The following NKAIN2 variants were observed in gnomAD, a reference collection of about 807,000 sequenced individuals.
The protein encoded by NKAIN2 is sodium/potassium transporting ATPase interacting 2, also known as sodium/potassium-transporting ATPase subunit beta-1-interacting protein 2.
A neutral mutation model predicts 32.6 loss-of-function variants in NKAIN2; 14 were observed. The ratio of observed to expected loss-of-function variants is 0.43; its 90% CI spans 0.28 to 0.67. NKAIN2 has a LOEUF of 0.67. Ranked by LOEUF, NKAIN2 falls within the 30% of genes least tolerant of loss-of-function variation. The pLI is 0.17. For missense variants in NKAIN2, 198 were observed against 258.3 expected (o/e 0.77, Z 1.60); for synonymous variants, 80 against 87.2 (o/e 0.92, Z 0.46).
chr6:124,737,458 C>T (rs1225131275), intron 4 of NKAIN2, among the ~76,000 whole-genome samples: 1 of 151,856 alleles, frequency 6.6e-6, no homozygotes, highest in African/African-American at 2.4e-5. Context: ...TCAATTAAAC[C>T]TCTTTCCTTT....
At chr6:124,410,609 C>A (rs1479902425) in intron 3 of NKAIN2, among the ~76,000 whole-genome samples, 1 of 152,202 alleles carries the variant, frequency 6.6e-6, no homozygotes, top group East Asian at 1.9e-4. Context: ...GAGAGCTTTA[C>A]TTCCAACCAT....
At chr6:124,476,645 C>T (rs201256972) in intron 3 of NKAIN2, among the ~76,000 whole-genome samples, 10 of 151,986 alleles carry the variant, frequency 6.6e-5, no homozygotes, top group African/African-American at 9.7e-5. Context: ...AATGTATTGT[C>T]ATAACAAGGG....
At chr6:124,341,328 A>G (rs1181361521) in intron 2 of NKAIN2, among the ~76,000 whole-genome samples, 2 of 152,156 alleles carry the variant, frequency 1.3e-5, no homozygotes, top group African/African-American at 4.8e-5. Context: ...AATCAACTGA[A>G]AAAAATCAGG....
At chr6:123,827,258 G>A (rs1353620328) in intron 1 of NKAIN2, among the ~76,000 whole-genome samples, 2 of 152,138 alleles carry the variant, frequency 1.3e-5, no homozygotes, top group Non-Finnish European at 2.9e-5. Flanking sequence ...TGGTGTTGAA[G>A]TGTATTAATG....
rs748516560 is a variant in NKAIN2, at chr6:124,268,711, CAT to C, written c.55-14287_55-14286del. The stretch of plus-strand genomic sequence containing the variant: ...ATATACACATTTGTATATATTATAA[CAT>C]ATATATTTTATATATATACACATTT... On this transcript the variant is annotated intron_variant, in intron 1 of 6. Coordinates refer to ENST00000368417, the MANE Select transcript of NKAIN2 (RefSeq NM_001040214.3). 3.3e-3 allele frequency among the ~76,000 whole-genome samples: 503 copies of C among 150,888 alleles called. 7 individuals are homozygous for C. Among genetic ancestry groups the C allele is most frequent in the African/African-American group, 3.0e-3 (123 of 41,256 alleles).
chr6:124,131,538 G>C (rs995200066), intron 1 of NKAIN2, among the ~76,000 whole-genome samples: 2 of 152,136 alleles, frequency 1.3e-5, no homozygotes, highest in Admixed American at 1.3e-4. Context: ...CAGCGAGACA[G>C]GCAAAAAACT....
chr6:124,812,274 C>T (rs1780935829), intron 5 of NKAIN2, among the ~76,000 whole-genome samples: 1 of 152,152 alleles, frequency 6.6e-6, no homozygotes, highest in South Asian at 2.1e-4. Flanking sequence ...CATTCAAGGC[C>T]TTGGCAGTCA....
intron 2 of NKAIN2, among the ~76,000 whole-genome samples, chr6:124,317,222 G>A (rs543598179): frequency 4.5e-4 from 68 of 152,230 alleles, no homozygotes; most frequent in African/African-American, 1.6e-3. Flanking sequence ...ACTCAAGTTA[G>A]CATTGTTCCA....
At chr6:123,969,070 G>A (rs1778217519) in intron 1 of NKAIN2, among the ~76,000 whole-genome samples, 1 of 152,018 alleles carries the variant, frequency 6.6e-6, no homozygotes, top group Non-Finnish European at 1.5e-5. Context: ...TTTACCTGGA[G>A]GTATAGGTCC....
chr6:124,773,248 A>G lies in NKAIN2; in HGVS notation c.475-18091A>G, dbSNP rs1022776638. ...CTGGATTGTGGAATAAAAGACACACAAAGAGCAAGTGTAGAATAACCCTTC... is the reference window on the plus strand; with the variant it reads ...CTGGATTGTGGAATAAAAGACACACGAAGAGCAAGTGTAGAATAACCCTTC... On this transcript the variant is annotated intron_variant, in intron 4 of 6. Coordinates refer to ENST00000368417, the MANE Select transcript of NKAIN2 (RefSeq NM_001040214.3). 1.8e-4 allele frequency among the ~76,000 whole-genome samples: 27 copies of G among 152,188 alleles called. 1 individual carries two copies. Among genetic ancestry groups the G allele is most frequent in the Middle Eastern group, 3.2e-3 (1 of 316 alleles).
intron 3 of NKAIN2, among the ~76,000 whole-genome samples, chr6:124,483,983 A>G (rs1346010861): frequency 2.0e-5 from 3 of 152,218 alleles, no homozygotes; most frequent in Non-Finnish European, 4.4e-5. Flanking sequence ...AGCACAGGCT[A>G]TAGCAATTTT....
chr6:124,516,780 C>T (rs961812508), intron 3 of NKAIN2, among the ~76,000 whole-genome samples: 2 of 152,090 alleles, frequency 1.3e-5, no homozygotes, highest in East Asian at 1.9e-4. Context: ...TTTCTCTGCT[C>T]GTCAAAGAGT....
intron 1 of NKAIN2, among the ~76,000 whole-genome samples, chr6:123,979,543 A>G (rs142493085): frequency 1.4e-3 from 208 of 152,314 alleles, no homozygotes; most frequent in African/African-American, 4.8e-3. Context: ...TATGCCATCC[A>G]GCATCCCAGA....
At chr6:124,403,957 A>G (rs1773737186) in intron 3 of NKAIN2, among the ~76,000 whole-genome samples, 1 of 152,168 alleles carries the variant, frequency 6.6e-6, no homozygotes, top group South Asian at 2.1e-4. Context: ...AAGTTATTTT[A>G]AAGCCTATGC....
chr6:123,845,083 A>G (rs1165358601), intron 1 of NKAIN2, among the ~76,000 whole-genome samples: 1 of 152,230 alleles, frequency 6.6e-6, no homozygotes, highest in Non-Finnish European at 1.5e-5. Context: ...GGGTCATTGT[A>G]GACTTTTGAG....
chr6:124,461,264 A>G (rs1776519750), intron 3 of NKAIN2, among the ~76,000 whole-genome samples: 1 of 151,658 alleles, frequency 6.6e-6, no homozygotes, highest in South Asian at 2.1e-4. Context: ...GCACATTACT[A>G]TTTTCTCTTT....
In NKAIN2 at chr6:124,168,846, G is replaced by T. The variant is rs572147446; in HGVS notation, c.55-114159G>T. Among the ~76,000 whole-genome samples the T allele has an allele frequency of 1.1e-4, 17 of 152,192 alleles. No individual in the cohort carries two copies. In the East Asian group the frequency reaches 3.1e-3, roughly 28 times the overall value. The stretch of plus-strand genomic sequence containing the variant: ...ATGATGTAAGGTGAATGATACTTCA[G>T]AGTACTATTCTTTTGCACTATTTAC... On this transcript the variant is annotated intron_variant, in intron 1 of 6. Coordinates refer to ENST00000368417, the MANE Select transcript of NKAIN2 (RefSeq NM_001040214.3).
chr6:124,418,549 T>A (rs966944037), intron 3 of NKAIN2, among the ~76,000 whole-genome samples: 14 of 147,696 alleles, frequency 9.5e-5, no homozygotes, highest in African/African-American at 2.7e-4. Flanking sequence ...GGATTATATA[T>A]TATATATATA....
chr6:123,929,738 C>T (rs1776169891), intron 1 of NKAIN2, among the ~76,000 whole-genome samples: 1 of 152,040 alleles, frequency 6.6e-6, no homozygotes, highest in Non-Finnish European at 1.5e-5. Context: ...TTTTACATTT[C>T]AGTATCCCTT....
Sources: allele counts gnomAD v4.1 joint callset (sites outside exome capture counted in the v4.1 genomes callset), GRCh38; gene constraint gnomAD v4.1.1; transcripts MANE v1.5; gene names NCBI Gene and HGNC (gene_info 2026-07-23, HGNC 2026-07-21).